The following RPA1 variants were observed in gnomAD, a reference collection of about 807,000 sequenced individuals.
RPA1 encodes the protein replication protein A1, also known as replication protein A 70 kDa DNA-binding subunit.
RPA1 carries 49 observed loss-of-function variants against 83.0 expected under a neutral mutation model. The observed-to-expected ratio is 0.59, with a 90% confidence interval of 0.47 to 0.75. RPA1 has a LOEUF of 0.75. RPA1 is among the 30% of genes least tolerant of loss of function. The pLI is 0.00. For missense variants in RPA1, 693 were observed against 776.1 expected, an observed-to-expected ratio of 0.89 and a Z score of 1.27; for synonymous variants, 279 against 281.8, an observed-to-expected ratio of 0.99 and a Z score of 0.10.
rs780359272 is a variant in RPA1 at position 1,877,220 on chromosome 17, T to C, written c.596T>C (p.Ile199Thr). 1 of 1,614,164 alleles carries C rather than the reference T, an allele frequency of 6.2e-7. No individual in the cohort carries two copies. Among genetic ancestry groups the C allele is most frequent in the Non-Finnish European group, 8.5e-7 (1 of 1,180,002 alleles). The change falls in exon 8 of 17, where the codon ATT becomes ACT. Residue 199 changes from isoleucine (I) to threonine (T), a missense_variant. Ile to Thr is a moderately conservative substitution (Grantham distance 89). Transcript: ENST00000254719. ...ATCGATTTGGTTTGTAGGTGGACCA[T>C]TTGTGCTCGTGTTACCAACAAAAGT... ...SLTPYQSKWTICARVTNKSQI... is the reference protein window; with the variant it reads ...SLTPYQSKWTTCARVTNKSQI...
intron 5 of RPA1, among the ~76,000 whole-genome samples, chr17:1,857,253 TTC>T (rs1488583688): frequency 8.1e-6 from 1 of 123,334 alleles, no homozygotes; most frequent in Non-Finnish European, 1.6e-5. Context: ...TTCTCTTTTT[TTC>T]TTTTTCTTTT....
rs545153392 is a variant in RPA1 at position 1,853,860 on chromosome 17, C to T, written c.361+671C>T. ...AAGTGTGAAGCATGCAGTCTATACT[C>T]CTGTGATAACACTCACTGCACTGGT... On this transcript the variant is annotated intron_variant, in intron 5 of 16. Transcript: ENST00000254719. 2.1e-4 allele frequency among the ~76,000 whole-genome samples: 32 copies of T among 152,280 alleles called. No individual in the cohort carries two copies. The East Asian group carries it at 6.0e-3, about 28-fold the overall frequency.
At chr17:1,862,380 GGAA>G in intron 5 of RPA1, among the ~76,000 whole-genome samples, 1 of 151,224 alleles carries the variant, frequency 6.6e-6, no homozygotes, top group South Asian at 2.1e-4. Context: ...CTGTCCACAT[GGAA>G]GAAGTAGATG....
chr17:1,867,536 G>A (rs907344610), intron 5 of RPA1, among the ~76,000 whole-genome samples: 3 of 151,908 alleles, frequency 2.0e-5, no homozygotes, highest in African/African-American at 7.3e-5. Context: ...GTGAGACCCT[G>A]TCTCTACAGA....
rs5030755 is a variant in RPA1, at chr17:1,879,658, A to G, written c.1051A>G (p.Thr351Ala). 0.099 allele frequency: 159,554 copies of G among 1,614,146 alleles called. 9,214 individuals carry two copies. The highest frequency in any genetic ancestry group is 0.12 in the Non-Finnish European group (136,802 of 1,179,970). ...CAAGAGGAATATCTACTTGATGGAC[A>G]CATCCGGGAAGGTGGTGACTGCTAC... ...VAKRNIYLMDTSGKVVTATLW... is the reference protein window; with the variant it reads ...VAKRNIYLMDASGKVVTATLW... Residue 351 changes from threonine (T) to alanine (A), a missense_variant, in exon 11 of 17, where the codon ACA becomes GCA. Physicochemically the swap from Thr to Ala is moderately conservative, Grantham distance 58. Transcript: ENST00000254719.
rs891197949 is a variant in RPA1, at chr17:1,837,755, C to T, written c.34-5048C>T. 4.6e-5 allele frequency among the ~76,000 whole-genome samples: 7 copies of T among 152,158 alleles called. No individual in the cohort carries two copies. The East Asian group carries it at 7.7e-4, about 17-fold the overall frequency. On this transcript the variant is annotated intron_variant, in intron 1 of 16. Transcript: ENST00000254719. ...GAAGTGTCTGTTCACATCTTTTGTTCACCTAAAAATTGGGTTTTGTGCTTA... is the reference window on the plus strand; with the variant it reads ...GAAGTGTCTGTTCACATCTTTTGTTTACCTAAAAATTGGGTTTTGTGCTTA...
In RPA1 at chr17:1,874,280, G is replaced by A. The variant is rs7224534; in HGVS notation, c.455-1381G>A. Among the ~76,000 whole-genome samples, 1,042 of 152,212 alleles carry A rather than the reference G, an allele frequency of 6.8e-3. 16 individuals are homozygous for A. Among genetic ancestry groups the A allele is most frequent in the African/African-American group, 0.024 (989 of 41,526 alleles). ...AGCACTTTGGGAGGCCAGGGCAGGAGGATTGCTTGAGCCCAGCAGTTTGAC... is the reference window on the plus strand; with the variant it reads ...AGCACTTTGGGAGGCCAGGGCAGGAAGATTGCTTGAGCCCAGCAGTTTGAC... On this transcript the variant is annotated intron_variant, in intron 6 of 16. Transcript: ENST00000254719.
chr17:1,835,484 A>G (rs1027820199), intron 1 of RPA1, among the ~76,000 whole-genome samples: 3 of 152,120 alleles, frequency 2.0e-5, no homozygotes, highest in African/African-American at 7.2e-5. Flanking sequence ...TTACATTTGT[A>G]AACAGCTGAT....
chr17:1,883,511 C>T (rs1021214362), intron 12 of RPA1, among the ~76,000 whole-genome samples: 8 of 152,078 alleles, frequency 5.3e-5, no homozygotes, highest in Admixed American at 4.6e-4. Context: ...AGTTACTTAG[C>T]AGGGCAAAGG....
intron 5 of RPA1, among the ~76,000 whole-genome samples, chr17:1,867,403 A>G (rs1301117356): frequency 6.6e-6 from 1 of 152,068 alleles, no homozygotes; most frequent in Non-Finnish European, 1.5e-5. Flanking sequence ...TTTTGGGGGC[A>G]AAAGTGTTTA....
At chr17:1,849,289 C>CTT (rs61062085) in intron 4 of RPA1, among the ~76,000 whole-genome samples, 7,383 of 116,012 alleles carry the variant, frequency 0.064, 893 homozygotes, top group African/African-American at 0.2. Context: ...GTTGGCTGTT[C>CTT]TTTTTTTTTT....
chr17:1,856,630 TTTTA>T (rs767369165), intron 5 of RPA1, among the ~76,000 whole-genome samples: 148 of 151,656 alleles, frequency 9.8e-4, no homozygotes, highest in Middle Eastern at 3.4e-3. Flanking sequence ...TATATATAGT[TTTTA>T]TTTATTTATT....
rs1436506071 is a variant in RPA1, at chr17:1,883,952, G to A, written c.1374+8G>A. The stretch of plus-strand genomic sequence containing the variant: ...CTGGGCCAAGGCGACAAGGTACCCA[G>A]CATTCCTAACCACCTTCACAAAGGG... On this transcript the variant is annotated splice_region_variant and intron_variant, in intron 13 of 16. Coordinates refer to ENST00000254719, the MANE Select transcript of RPA1 (RefSeq NM_002945.5). 6.8e-6 allele frequency: 11 copies of A among 1,613,438 alleles called. No homozygotes were observed. The Admixed American group carries it at 1.3e-4, about 20-fold the overall frequency.
chr17:1,879,002 C>G lies in RPA1; in HGVS notation c.700C>G (p.Arg234Gly), dbSNP rs779729281. Residue 234 changes from arginine to glycine, a missense_variant, in exon 9 of 17, where the codon CGA becomes GGA. Arg to Gly is a moderately radical substitution (Grantham distance 125). Coordinates refer to ENST00000254719, the MANE Select transcript of RPA1 (RefSeq NM_002945.5). ...CCACGTGCTTCTGCAGGGTGAAATC[C>G]GAGCTACAGCTTTCAATGAGCAAGT... ...LELVDESGEI[R>G]ATAFNEQVDK... 8 of 1,614,056 alleles carry G rather than the reference C, an allele frequency of 5.0e-6. No individual in the cohort carries two copies. The highest frequency in any genetic ancestry group is 6.8e-6 in the Non-Finnish European group (8 of 1,180,034).
intron 14 of RPA1, among the ~76,000 whole-genome samples, chr17:1,889,948 C>G (rs563534793): frequency 2.6e-5 from 4 of 151,056 alleles, no homozygotes; most frequent in African/African-American, 9.8e-5. Context: ...TGCAGTGAGC[C>G]GAGATCACAC....
intron 1 of RPA1, among the ~76,000 whole-genome samples, chr17:1,831,655 G>A (rs1911598866): frequency 6.7e-6 from 1 of 149,848 alleles, no homozygotes; most frequent in African/African-American, 2.5e-5. Context: ...CTGGAGGGCA[G>A]TGGCGCGATC....
chr17:1,866,632 T>A (rs1913186007), intron 5 of RPA1, among the ~76,000 whole-genome samples: 1 of 151,872 alleles, frequency 6.6e-6, no homozygotes, highest in Admixed American at 6.6e-5. Flanking sequence ...CTAATTTTTT[T>A]ATATTTTTAA....
rs981138166 is a variant in RPA1 at position 1,880,475 on chromosome 17, T to C, written c.1093-68T>C. The C allele has an allele frequency of 3.2e-6, 5 of 1,553,246 alleles. No homozygotes were observed. In the African/African-American group the frequency reaches 6.8e-5, roughly 21 times the overall value. On this transcript the variant is annotated intron_variant, in intron 11 of 16. Coordinates refer to ENST00000254719, the MANE Select transcript of RPA1 (RefSeq NM_002945.5). ...CTCTACTATTGAATGTTTGCCTTGT[T>C]TTCTATAAAAATCTTCTGTGTTCTT... is the stretch of plus-strand genomic sequence containing the variant.
rs1913411876 is a variant in RPA1, at chr17:1,872,497, C to T, written c.425C>T (p.Pro142Leu). 6.2e-7 allele frequency: 1 copy of T among 1,613,984 alleles called. No homozygotes were observed. Among genetic ancestry groups the T allele is most frequent in the African/African-American group, 1.3e-5 (1 of 75,026 alleles). ...GCCAGCCCAGCAGCAAGCAGCAGGC[C>T]CCAGCCGCAGAATGGAAGCTCGGGA... The part of the protein sequence containing the change: ...PAASPAASSR[P>L]QPQNGSSGMG... Residue 142 changes from proline (P) to leucine (L), a missense_variant, in exon 6 of 17, where the codon CCC becomes CTC. Transcript: ENST00000254719.
Sources: allele counts gnomAD v4.1 joint callset (sites outside exome capture counted in the v4.1 genomes callset), GRCh38; gene constraint gnomAD v4.1.1; transcripts MANE v1.5; gene names NCBI Gene and HGNC (gene_info 2026-07-23, HGNC 2026-07-21).